Variants in NAV2 observed in about 807,000 individuals in gnomAD.
NAV2 encodes helicase, APC down-regulated 1.
A neutral mutation model predicts 223.2 loss-of-function variants in NAV2; 54 were observed. That is an observed-to-expected ratio of 0.24 (90% CI 0.19 to 0.30). The LOEUF (loss-of-function observed/expected upper bound fraction) is 0.30, where lower values mean the gene tolerates loss of function less well. Among genes scored for constraint, NAV2 ranks in the 10% least tolerant of loss-of-function variants. The probability of loss-of-function intolerance (pLI) is 1.00; values close to 1 mark genes in which losing one functional copy is unlikely to be tolerated. For synonymous variants in NAV2, 1,279 were observed against 1,239.3 expected, an observed-to-expected ratio of 1.03 and a Z score of -0.67; for missense variants, 2,806 against 3,147.5, an observed-to-expected ratio of 0.89 and a Z score of 2.60.
chr11:19,706,858 T>C (rs2049679044), intron 1 of NAV2, among the ~76,000 whole-genome samples: 1 of 152,190 alleles, frequency 6.6e-6, no homozygotes. Context: ...TAGAGTACAT[T>C]TTCACAAACC....
chr11:20,077,538 G>A lies in NAV2; in HGVS notation c.4984-14G>A. 5 of 1,604,234 alleles carry A rather than the reference G, an allele frequency of 3.1e-6. No homozygotes were observed. The highest frequency in any genetic ancestry group is 4.3e-6 in the Non-Finnish European group (5 of 1,171,096). ...TGCAAGGTAATATAACTGAGGTTGTGTCTTCCCCTCCAGGCTCACCTTGTG... is the reference window on the plus strand; with the variant it reads ...TGCAAGGTAATATAACTGAGGTTGTATCTTCCCCTCCAGGCTCACCTTGTG... On this transcript the variant is annotated splice_polypyrimidine_tract_variant and intron_variant, in intron 22 of 37. Coordinates refer to ENST00000349880, the MANE Select transcript of NAV2 (RefSeq NM_145117.5).
intron 1 of NAV2, among the ~76,000 whole-genome samples, chr11:19,649,837 A>G (rs1374265672): frequency 9.2e-5 from 14 of 152,194 alleles, no homozygotes; most frequent in Non-Finnish European, 1.5e-5. Flanking sequence ...ACATGAAAAG[A>G]CCCTCAGTAT....
chr11:20,051,271 G>A lies in NAV2; in HGVS notation c.4437-18G>A, dbSNP rs1231330329. 1 of 1,613,012 alleles carries A rather than the reference G, an allele frequency of 6.2e-7. No homozygotes were observed. The highest frequency in any genetic ancestry group is 1.1e-5 in the South Asian group (1 of 91,064). On this transcript the variant is annotated intron_variant, in intron 16 of 37. Transcript: ENST00000349880. ...GTGCTGCTCTGAAGTTCTTATTTTT[G>A]TTTTAACTTTCCTACAGTGACCCGC...
At chr11:19,888,887 C>T (rs369996692) in intron 5 of NAV2, among the ~76,000 whole-genome samples, 16 of 152,166 alleles carry the variant, frequency 1.1e-4, no homozygotes, top group African/African-American at 3.4e-4. Flanking sequence ...CACCAACCTC[C>T]GAGATCTTCA....
At chr11:19,368,529 G>A (rs549741795) in intron 1 of NAV2, among the ~76,000 whole-genome samples, 6 of 152,298 alleles carry the variant, frequency 3.9e-5, no homozygotes, top group African/African-American at 1.4e-4. Context: ...TCATCTGTAT[G>A]ATGAGGCTAG....
In NAV2 at chr11:20,092,241, G is replaced by A. The variant is rs1372933343; in HGVS notation, c.5688G>A (p.Arg1896=). ...EIEKLKAEND[R]LKSESQGSGC... ...AGAAGCTGAAAGCTGAGAATGATCG[G>A]CTGAAGTCAGAGTCTCAAGGCAGTG... The change falls in exon 28 of 38, where the codon CGG becomes CGA. Residue 1896 remains arginine (R), a synonymous_variant. Transcript: ENST00000349880. The A allele has an allele frequency of 1.9e-6, 3 of 1,614,212 alleles. No homozygotes were observed. The highest frequency in any genetic ancestry group is 2.5e-6 in the Non-Finnish European group (3 of 1,180,038).
intron 35 of NAV2, among the ~76,000 whole-genome samples, chr11:20,106,287 G>A (rs2153709081): frequency 7.1e-6 from 1 of 141,170 alleles, no homozygotes; most frequent in South Asian, 2.4e-4. Flanking sequence ...GGCCGGGCAT[G>A]GTGGCTCATG....
intron 12 of NAV2, among the ~76,000 whole-genome samples, chr11:20,038,624 G>A (rs924181048): frequency 1.3e-5 from 2 of 152,252 alleles, no homozygotes; most frequent in South Asian, 2.1e-4. Context: ...GGGAAGATGT[G>A]CGTTGTACCC....
rs117245527 is a variant in NAV2 at position 19,888,304 on chromosome 11, A to C, written c.771-4130A>C. 4.5e-3 allele frequency among the ~76,000 whole-genome samples: 691 copies of C among 152,206 alleles called. 6 individuals are homozygous for C. Among genetic ancestry groups the C allele is most frequent in the Non-Finnish European group, 6.2e-3 (423 of 68,004 alleles). On this transcript the variant is annotated intron_variant, in intron 5 of 37. Transcript: ENST00000349880. ...GTAAGGGATGCAGGGTTGACCTGCC[A>C]CGCTCCCCTCTCACCACGCTGCCTC... is the stretch of plus-strand genomic sequence containing the variant.
intron 1 of NAV2, among the ~76,000 whole-genome samples, chr11:19,540,646 G>A (rs1480286036): frequency 5.3e-5 from 8 of 152,168 alleles, no homozygotes; most frequent in African/African-American, 1.9e-4. Context: ...TTTCCTTCAA[G>A]ACACTCTGAG....
intron 32 of NAV2, 147 bp from the exon 33 acceptor site, chr11:20,103,108 G>A (rs2153702275): frequency 2.8e-6 from 2 of 710,364 alleles, no homozygotes; most frequent in East Asian, 5.4e-5. Flanking sequence ...CCTGTAATAG[G>A]CAGGCACCCA....
intron 1 of NAV2, among the ~76,000 whole-genome samples, chr11:19,387,310 G>C (rs1849081002): frequency 6.6e-6 from 1 of 152,180 alleles, no homozygotes; most frequent in African/African-American, 2.4e-5. Flanking sequence ...CTGTCTCTGA[G>C]ATTAGAGGAT....
At position 20,101,023 on chromosome 11, in the gene NAV2, G is replaced by C; in HGVS notation, c.6268G>C (p.Glu2090Gln). 1 of 1,614,124 alleles carries C rather than the reference G, an allele frequency of 6.2e-7. No individual in the cohort carries two copies. Among genetic ancestry groups the C allele is most frequent in the South Asian group, 1.1e-5 (1 of 91,068 alleles). ...ILQRYVSLLI[E>Q]HRRIILSGPS... ...GCAGCGCTACGTCTCCCTCCTGATA[G>C]AGCACCGTCGGATCATTCTCTCTGG... Residue 2090 changes from glutamate (E) to glutamine (Q), a missense_variant, in exon 32 of 38, where the codon GAG becomes CAG. Around this residue, in one of 4 missense-constraint regions of NAV2, gnomAD observed 824 missense variants for 1,069.4 expected, o/e 0.77. Transcript: ENST00000349880.
chr11:19,486,777 G>T (rs1225737959), intron 1 of NAV2, among the ~76,000 whole-genome samples: 9 of 152,102 alleles, frequency 5.9e-5, no homozygotes, highest in Admixed American at 1.3e-4. Context: ...CATCCTTCAA[G>T]ACTCAGCTCA....
intron 1 of NAV2, among the ~76,000 whole-genome samples, chr11:19,812,816 C>CTA (rs2058900354): frequency 6.6e-6 from 1 of 152,140 alleles, no homozygotes; most frequent in East Asian, 1.9e-4. Context: ...CATCGCCTTT[C>CTA]TATAGTCCTG....
chr11:19,914,388 C>A (rs1039123995), intron 6 of NAV2, among the ~76,000 whole-genome samples: 8 of 152,166 alleles, frequency 5.3e-5, no homozygotes, highest in African/African-American at 1.9e-4. Flanking sequence ...TGTGTAATAT[C>A]CCTCTCTTAC....
chr11:20,055,958 G>A lies in NAV2; in HGVS notation c.4831+1G>A. The stretch of plus-strand genomic sequence containing the variant: ...TCATTCCGGGATGGGTTTGAAGAAG[G>A]TAAGGAAGGAAAGGAAGAAGGTAAG... On this transcript the variant is annotated splice_donor_variant, in intron 19 of 37. Transcript: ENST00000349880. LOFTEE classifies it high-confidence loss of function. 6.2e-7 allele frequency: 1 copy of A among 1,612,588 alleles called. No homozygotes were observed. Among genetic ancestry groups the A allele is most frequent in the Non-Finnish European group, 8.5e-7 (1 of 1,179,686 alleles).
intron 1 of NAV2, among the ~76,000 whole-genome samples, chr11:19,723,208 A>G (rs1472129455): frequency 6.6e-6 from 1 of 152,226 alleles, no homozygotes; most frequent in Non-Finnish European, 1.5e-5. Context: ...TCCAGGAATG[A>G]TGATCACAGC....
chr11:19,963,467 A>G (rs547418176), intron 10 of NAV2, among the ~76,000 whole-genome samples: 6 of 152,300 alleles, frequency 3.9e-5, no homozygotes, highest in African/African-American at 1.4e-4. Context: ...AAAAAGGAAG[A>G]GTGTGCACCT....
Sources: allele counts gnomAD v4.1 joint callset (sites outside exome capture counted in the v4.1 genomes callset), GRCh38; gene constraint gnomAD v4.1.1; regional missense constraint gnomAD v4.1.1; transcripts MANE v1.5; gene names NCBI Gene and HGNC (gene_info 2026-07-23, HGNC 2026-07-21).